The following FGD4 variants were observed in gnomAD, a reference collection of about 807,000 sequenced individuals.
The protein encoded by FGD4 is FYVE, RhoGEF and PH domain containing 4.
A neutral mutation model predicts 102.0 loss-of-function variants in FGD4; 42 were observed. The ratio of observed to expected loss-of-function variants is 0.41; its 90% CI spans 0.32 to 0.53. FGD4 has a LOEUF of 0.53. Among genes scored for constraint, FGD4 ranks in the 20% least tolerant of loss-of-function variants. The probability of loss-of-function intolerance (pLI) is 0.21; values close to 1 mark genes in which losing one functional copy is unlikely to be tolerated. For synonymous variants in FGD4, 380 were observed against 375.7 expected (o/e 1.01, Z -0.13); for missense variants, 902 against 1,078.2 (o/e 0.84, Z 2.29).
At chr12:32,615,567 AT>A (rs1343755668) in intron 10 of FGD4, among the ~76,000 whole-genome samples, 1 of 152,106 alleles carries the variant, frequency 6.6e-6, no homozygotes, top group Non-Finnish European at 1.5e-5. Flanking sequence ...GAAAACAAGG[AT>A]GTGTCATGTT....
intron 4 of FGD4, among the ~76,000 whole-genome samples, chr12:32,589,244 AT>A (rs1947283520): frequency 6.6e-6 from 1 of 152,238 alleles, no homozygotes; most frequent in Non-Finnish European, 1.5e-5. Context: ...AAAGCCTAAT[AT>A]GTCATTTAAT....
At chr12:32,434,304 T>C (rs987476056) in intron 1 of FGD4, among the ~76,000 whole-genome samples, 3 of 152,226 alleles carry the variant, frequency 2.0e-5, no homozygotes, top group African/African-American at 7.2e-5. Context: ...TTACTGGTAA[T>C]TTGTTCTGTG....
At chr12:32,630,123 C>T (rs11052117) in intron 14 of FGD4, among the ~76,000 whole-genome samples, 40,372 of 152,092 alleles carry the variant, frequency 0.27, 5,674 homozygotes, top group South Asian at 0.41. Flanking sequence ...ATTACAATTT[C>T]AGCTTACTGT....
At chr12:32,556,036 C>T (rs1014952421) in intron 1 of FGD4, among the ~76,000 whole-genome samples, 13 of 151,908 alleles carry the variant, frequency 8.6e-5, no homozygotes, top group African/African-American at 2.7e-4. Flanking sequence ...GAGATAGTGT[C>T]TTGCTGTGTT....
At chr12:32,515,184 T>C (rs1939769213) in intron 1 of FGD4, among the ~76,000 whole-genome samples, 1 of 152,184 alleles carries the variant, frequency 6.6e-6, no homozygotes, top group African/African-American at 2.4e-5. Context: ...CACAACACCA[T>C]GGGATTAGAA....
In FGD4 at chr12:32,481,594, G is replaced by A. The variant is rs564626183; in HGVS notation, c.166+81635G>A. On this transcript the variant is annotated intron_variant, in intron 1 of 16. Transcript: ENST00000534526. Reference sequence around the variant, plus strand: ...TCCCAGCATTTTGGGAAGCTGAGGCGGGTGGATCAGGAGATCAGGGGTTCA... The same window carrying A: ...TCCCAGCATTTTGGGAAGCTGAGGCAGGTGGATCAGGAGATCAGGGGTTCA... 1.2e-4 allele frequency among the ~76,000 whole-genome samples: 19 copies of A among 152,290 alleles called. 1 individual carries two copies. The highest frequency in any genetic ancestry group is 2.0e-4 in the Admixed American group (3 of 15,296).
rs1232883602 is a variant in FGD4, at chr12:32,582,176, G to A, written c.720G>A (p.Glu240=). ...CAGCACAAAACCAGATGGAATGTGA[G>A]GAGGAGAAAGCTGCCACTCTTAGCT... ...VMAAQNQMEC[E]EEKAATLSSD... Residue 240 remains glutamate, a synonymous_variant, in exon 4 of 17, where the codon GAG becomes GAA. Transcript: ENST00000534526. 1.9e-6 allele frequency: 3 copies of A among 1,614,154 alleles called. No homozygotes were observed. Among genetic ancestry groups the A allele is most frequent in the Non-Finnish European group, 2.5e-6 (3 of 1,179,966 alleles).
Position 32,400,049 on chromosome 12 carries a change from G to T in FGD4, c.166+90G>T. Reference sequence around the variant, plus strand: ...CAGCGCCCTGCAGGTGCGCCCTCTCGTCCCCCGCTGCGGAGGTAACTGGTT... The same window carrying T: ...CAGCGCCCTGCAGGTGCGCCCTCTCTTCCCCCGCTGCGGAGGTAACTGGTT... On this transcript the variant is annotated intron_variant, in intron 1 of 16. Coordinates refer to ENST00000534526, the MANE Select transcript of FGD4 (RefSeq NM_001370298.3). 11 of 1,390,458 alleles carry T rather than the reference G, an allele frequency of 7.9e-6. No homozygotes were observed. In the South Asian group the frequency reaches 1.6e-4, roughly 20 times the overall value. The allele number at this position is 1,390,458 out of a possible 1,614,324, so 86.1% of individuals were successfully genotyped here. A position where few individuals can be genotyped will look rare whatever the true frequency, so the allele number is the denominator to read the frequency against.
chr12:32,576,100 CA>C (rs1946104521), intron 2 of FGD4, among the ~76,000 whole-genome samples, 165 bp from the exon 3 acceptor site: 1 of 152,080 alleles, frequency 6.6e-6, no homozygotes, highest in Admixed American at 6.6e-5. Context: ...AGCAAATGTC[CA>C]AAATGAACAA....
intron 1 of FGD4, among the ~76,000 whole-genome samples, chr12:32,488,475 A>G (rs1036573594): frequency 5.4e-5 from 8 of 147,834 alleles, no homozygotes; most frequent in Admixed American, 4.1e-4. Flanking sequence ...AACTTGTGGG[A>G]TTTTTTTTTT....
At chr12:32,448,744 AG>A (rs751830030) in intron 1 of FGD4, among the ~76,000 whole-genome samples, 3 of 152,034 alleles carry the variant, frequency 2.0e-5, no homozygotes, top group Non-Finnish European at 2.9e-5. Flanking sequence ...AGAAGATAGA[AG>A]GGAAGCAGTC....
At chr12:32,533,208 C>T (rs1941958611) in intron 1 of FGD4, among the ~76,000 whole-genome samples, 1 of 152,100 alleles carries the variant, frequency 6.6e-6, no homozygotes, top group Non-Finnish European at 1.5e-5. Context: ...AATTATGTGG[C>T]CCCACCATGC....
At chr12:32,484,816 G>A (rs1943848311) in intron 1 of FGD4, among the ~76,000 whole-genome samples, 1 of 152,072 alleles carries the variant, frequency 6.6e-6, no homozygotes, top group South Asian at 2.1e-4. Context: ...AGGTTGCAGT[G>A]AGCCAAGATC....
chr12:32,416,913 T>C (rs978275044), intron 1 of FGD4, among the ~76,000 whole-genome samples: 2 of 151,950 alleles, frequency 1.3e-5, no homozygotes, highest in Non-Finnish European at 2.9e-5. Flanking sequence ...TTTTTTTTTT[T>C]TGAGATGGAG....
At position 32,511,598 on chromosome 12, in the gene FGD4, G is replaced by A. The variant is rs181559311; in HGVS notation, c.167-52539G>A. On this transcript the variant is annotated intron_variant, in intron 1 of 16. Transcript: ENST00000534526. ...ATTACAGTTGTGAGCCACCGCGCCC[G>A]GCCTGATTGGTGTGATTTTTATGTT... 3.2e-3 allele frequency among the ~76,000 whole-genome samples: 483 copies of A among 152,192 alleles called. 2 individuals carry two copies. The highest frequency in any genetic ancestry group is 4.6e-3 in the Non-Finnish European group (312 of 68,006).
At position 32,406,206 on chromosome 12, in the gene FGD4, T is replaced by C. The variant is rs1940925353; in HGVS notation, c.166+6247T>C. ...ATCCGCCCGCCTCAGCCTCCCAAAGTGTTGGGATTACAGGCGTGAGCCACT... is the reference window on the plus strand; with the variant it reads ...ATCCGCCCGCCTCAGCCTCCCAAAGCGTTGGGATTACAGGCGTGAGCCACT... On this transcript the variant is annotated intron_variant, in intron 1 of 16. Transcript: ENST00000534526. Among the ~76,000 whole-genome samples, 3 of 152,182 alleles carry C rather than the reference T, an allele frequency of 2.0e-5. No individual in the cohort carries two copies. The South Asian group carries it at 6.2e-4, about 32-fold the overall frequency.
intron 10 of FGD4, among the ~76,000 whole-genome samples, chr12:32,612,258 G>A (rs1949187039): frequency 6.6e-6 from 1 of 152,214 alleles, no homozygotes; most frequent in African/African-American, 2.4e-5. Context: ...GCCTAGAAAT[G>A]CTCCCATTGC....
rs531624335 is a variant in FGD4, at chr12:32,596,906, G to A, written c.1012-1591G>A. Among the ~76,000 whole-genome samples the A allele has an allele frequency of 3.3e-5, 5 of 149,938 alleles. No individual in the cohort carries two copies. In the South Asian group the frequency reaches 6.3e-4, roughly 19 times the overall value. On this transcript the variant is annotated intron_variant, in intron 4 of 16. Coordinates refer to ENST00000534526, the MANE Select transcript of FGD4 (RefSeq NM_001370298.3). ...GCCGAGATCATGCCATTGCACTCCAGCCTGGGCAACAAGAGCAAAACTCTG... is the reference window on the plus strand; with the variant it reads ...GCCGAGATCATGCCATTGCACTCCAACCTGGGCAACAAGAGCAAAACTCTG...
At chr12:32,466,859 G>A (rs1303084288) in intron 1 of FGD4, among the ~76,000 whole-genome samples, 2 of 116,246 alleles carry the variant, frequency 1.7e-5, no homozygotes, top group Middle Eastern at 5.2e-3. Flanking sequence ...CACAGCGAGA[G>A]TCTGTCTCAA....
Sources: gnomAD v4.1 joint callset for allele counts (sites outside exome capture counted in the v4.1 genomes callset) on GRCh38, gnomAD v4.1.1 for gene constraint, MANE v1.5 for transcripts, NCBI Gene and HGNC (gene_info 2026-07-23, HGNC 2026-07-21) for gene names.